RPGRIP1: variants seen among roughly 807,000 people sequenced by gnomAD.
RPGRIP1 encodes X-linked retinitis pigmentosa GTPase regulator-interacting protein 1.
RPGRIP1 carries 128 observed loss-of-function variants against 157.9 expected under a neutral mutation model. That is an observed-to-expected ratio of 0.81 (90% CI 0.70 to 0.94). The LOEUF (loss-of-function observed/expected upper bound fraction) is 0.94, where lower values mean the gene tolerates loss of function less well. Ranked by LOEUF, RPGRIP1 falls within the 40% of genes least tolerant of loss-of-function variation. RPGRIP1 has a pLI of 0.00. For synonymous variants in RPGRIP1, 554 were observed against 571.6 expected (o/e 0.97, Z 0.44); for missense variants, 1,486 against 1,545.8 (o/e 0.96, Z 0.65).
intron 19 of RPGRIP1, 60 bp downstream of exon 19, chr14:21,328,687 A>T: frequency 8.3e-7 from 1 of 1,199,712 alleles, no homozygotes; most frequent in Non-Finnish European, 1.2e-6. Context: ...CAGATGTATT[A>T]TTCTCAGAGG....
At chr14:21,321,646 C>T in intron 13 of RPGRIP1, 1 of 973,296 alleles carries the variant, frequency 1.0e-6, no homozygotes. Flanking sequence ...CTTCTGGGTT[C>T]AAATTTTGCC....
intron 18 of RPGRIP1, 54 bp from the exon 19 acceptor site, chr14:21,328,370 T>A: frequency 7.5e-7 from 1 of 1,334,502 alleles, no homozygotes; most frequent in South Asian, 1.3e-5. Context: ...TTTCTTGTGT[T>A]TCTAGGTTGT....
intron 8 of RPGRIP1, 85 bp from the exon 9 acceptor site, chr14:21,311,739 A>G (rs1209104854): frequency 1.5e-5 from 16 of 1,061,164 alleles, no homozygotes; most frequent in Middle Eastern, 4.4e-4. Flanking sequence ...GACATCTGTT[A>G]GAGAATGCTA....
chr14:21,315,461 C>G (rs1423016168), intron 10 of RPGRIP1, among the ~76,000 whole-genome samples: 1 of 149,344 alleles, frequency 6.7e-6, no homozygotes, highest in Non-Finnish European at 1.5e-5. Flanking sequence ...GAGCCGAGAT[C>G]GCGCCACTGC....
At chr14:21,335,110 G>A (rs1884205913) in intron 21 of RPGRIP1, among the ~76,000 whole-genome samples, 1 of 150,194 alleles carries the variant, frequency 6.7e-6, no homozygotes, top group Non-Finnish European at 1.5e-5. Context: ...CACAAGTGAA[G>A]GGCAATCCAG....
At chr14:21,313,290 C>G (rs1312526061) in intron 10 of RPGRIP1, among the ~76,000 whole-genome samples, 1 of 150,592 alleles carries the variant, frequency 6.6e-6, no homozygotes, top group Non-Finnish European at 1.5e-5. Flanking sequence ...TAACTTGCGC[C>G]TAGAAGTTCG....
intron 6 of RPGRIP1, among the ~76,000 whole-genome samples, chr14:21,304,641 T>G (rs1349459886): frequency 6.6e-6 from 1 of 152,066 alleles, no homozygotes; most frequent in Non-Finnish European, 1.5e-5. Flanking sequence ...GAAATAGAGT[T>G]CCTGTATACC....
intron 3 of RPGRIP1, among the ~76,000 whole-genome samples, chr14:21,297,913 G>A (rs111411013): frequency 7.4e-6 from 1 of 135,686 alleles, no homozygotes; most frequent in Non-Finnish European, 1.6e-5. Flanking sequence ...TGGCACACAG[G>A]CTGGAGTGCA....
At chr14:21,299,841 C>G (rs1016775119) in intron 3 of RPGRIP1, among the ~76,000 whole-genome samples, 1 of 152,116 alleles carries the variant, frequency 6.6e-6, no homozygotes, top group Non-Finnish European at 1.5e-5. Flanking sequence ...AGTCTGAGAT[C>G]AAAGTGTCAG....
In RPGRIP1 at chr14:21,324,745, G is replaced by C; in HGVS notation, c.1890G>C (p.Leu630=). ...LLHQGENLFE[L]HIHQAFLTSA... ...ATCAGGGTGAGAATCTTTTTGAACT[G>C]CACATCCACCAGGCCTTCCTGACAT... The change falls in exon 15 of 25, where the codon CTG becomes CTC. Residue 630 remains leucine, a synonymous_variant. Coordinates refer to ENST00000400017, the MANE Select transcript of RPGRIP1 (RefSeq NM_020366.4). 1 of 1,614,016 alleles carries C rather than the reference G, an allele frequency of 6.2e-7. No homozygotes were observed. The highest frequency in any genetic ancestry group is 8.5e-7 in the Non-Finnish European group (1 of 1,179,898).
At chr14:21,281,077 G>A (rs1880107737) in intron 1 of RPGRIP1, among the ~76,000 whole-genome samples, 1 of 151,308 alleles carries the variant, frequency 6.6e-6, no homozygotes, top group Non-Finnish European at 1.5e-5. Flanking sequence ...GAGTGCAGTG[G>A]CTCAATCTCG....
intron 21 of RPGRIP1, 28 bp downstream of exon 21, chr14:21,334,733 A>C: frequency 7.3e-7 from 1 of 1,366,948 alleles, no homozygotes; most frequent in Middle Eastern, 1.8e-4. Flanking sequence ...ATCATTGCAT[A>C]CGAGATAAGA....
chr14:21,312,636 C>T (rs1260085833), intron 10 of RPGRIP1, 130 bp downstream of exon 10: 4 of 557,118 alleles, frequency 7.2e-6, no homozygotes, highest in African/African-American at 3.9e-5. Context: ...GAATATTAAT[C>T]GGCAGTCTTT....
chr14:21,341,552 G>A (rs1037474486), intron 21 of RPGRIP1, among the ~76,000 whole-genome samples: 3 of 152,048 alleles, frequency 2.0e-5, no homozygotes, highest in African/African-American at 4.8e-5. Flanking sequence ...AGGGGAGAGC[G>A]CTATGGCTGG....
chr14:21,320,431 CAG>C (rs974722574), intron 12 of RPGRIP1, among the ~76,000 whole-genome samples: 3 of 151,310 alleles, frequency 2.0e-5, no homozygotes, highest in Non-Finnish European at 2.9e-5. Context: ...GCTGGGACTA[CAG>C]GCACCCGCCA....
At chr14:21,304,385 GAGAGAGAAAGAA>G (rs1251130704) in intron 6 of RPGRIP1, among the ~76,000 whole-genome samples, 1 of 79,806 alleles carries the variant, frequency 1.3e-5, no homozygotes, top group Non-Finnish European at 2.6e-5. Context: ...GGAGGAAGGA[GAGAGAGAAAGAA>G]AGAAAGAAAG....
In RPGRIP1 at chr14:21,325,075, G is replaced by C. The variant is rs759802025; in HGVS notation, c.2215+5G>C. On this transcript the variant is annotated splice_donor_5th_base_variant and intron_variant, in intron 15 of 24. Coordinates refer to ENST00000400017, the MANE Select transcript of RPGRIP1 (RefSeq NM_020366.4). ...ATGGCTTGGCCACACTGATTGGTAA[G>C]TGCCGTTGGCTTCCTGCGGCTCCTA... 1.2e-6 allele frequency: 2 copies of C among 1,600,670 alleles called. No homozygotes were observed.
At position 21,281,301 on chromosome 14, in the gene RPGRIP1, C is replaced by T. The variant is rs146821420; in HGVS notation, c.-39+1142C>T. Among the ~76,000 whole-genome samples, 394 of 152,184 alleles carry T rather than the reference C, an allele frequency of 2.6e-3. 2 individuals are homozygous for T. Among genetic ancestry groups the T allele is most frequent in the African/African-American group, 9.0e-3 (374 of 41,548 alleles). ...CCTCCCAAAGTGCTGGGATTACGGG[C>T]GTGAGCCACCACACCTGCCCAATCT... On this transcript the variant is annotated intron_variant, in intron 1 of 24. Coordinates refer to ENST00000400017, the MANE Select transcript of RPGRIP1 (RefSeq NM_020366.4).
Position 21,324,650 on chromosome 14 carries a change from CCGTTGT to C in RPGRIP1, c.1800_1805del (p.Ser601_Leu602del). ...CAAAGATGTTGCTTATGGCACCCGACCGTTGTCGTTATGTTTGGAAACACTGCCAGC... is the reference window on the plus strand; with the variant it reads ...CAAAGATGTTGCTTATGGCACCCGACCGTTATGTTTGGAAACACTGCCAGC... On this transcript the variant is annotated inframe_deletion, in exon 15 of 25. Transcript: ENST00000400017. 6.2e-7 allele frequency: 1 copy of C among 1,613,912 alleles called. No homozygotes were observed. Among genetic ancestry groups the C allele is most frequent in the South Asian group, 1.1e-5 (1 of 91,080 alleles).
Sources: allele counts gnomAD v4.1 joint callset (sites outside exome capture counted in the v4.1 genomes callset), GRCh38; gene constraint gnomAD v4.1.1; transcripts MANE v1.5; gene names NCBI Gene and HGNC (gene_info 2026-07-23, HGNC 2026-07-21).